The following CDK8 variants were observed in gnomAD, a reference collection of about 807,000 sequenced individuals.
The protein encoded by CDK8 is cyclin-dependent kinase 8.
Under a neutral mutation model 71.5 loss-of-function variants are expected in CDK8, and 29 were observed. The ratio of observed to expected loss-of-function variants is 0.41; its 90% CI spans 0.30 to 0.55. The LOEUF (loss-of-function observed/expected upper bound fraction) is 0.55, where lower values mean the gene tolerates loss of function less well. Among genes scored for constraint, CDK8 ranks in the 20% least tolerant of loss-of-function variants. The pLI, the probability that CDK8 is intolerant of heterozygous loss-of-function variation, is 0.37. For missense variants in CDK8, 288 were observed against 572.6 expected (o/e 0.50, Z 5.07); for synonymous variants, 161 against 192.1 (o/e 0.84, Z 1.34).
chr13:26,279,453 G>T (rs993670849), intron 1 of CDK8, among the ~76,000 whole-genome samples: 1 of 151,620 alleles, frequency 6.6e-6, no homozygotes, highest in East Asian at 1.9e-4. Flanking sequence ...CTTTCATGGG[G>T]TGCAGTAAGA....
At chr13:26,263,196 C>T (rs1005735699) in intron 1 of CDK8, among the ~76,000 whole-genome samples, 7 of 151,876 alleles carry the variant, frequency 4.6e-5, no homozygotes, top group African/African-American at 7.3e-5. Flanking sequence ...AGTGCAATGG[C>T]GCGATCTCCG....
chr13:26,260,131 TTTGTGGGTTTTAATTTTTCC>T (rs753705652), intron 1 of CDK8, among the ~76,000 whole-genome samples: 1 of 151,978 alleles, frequency 6.6e-6, no homozygotes, highest in Non-Finnish European at 1.5e-5. Flanking sequence ...CCCAGCAAAT[TTTGTGGGTTTTAATTTTTCC>T]TTGCCATGCC....
At chr13:26,269,466 A>G (rs1459385090) in intron 1 of CDK8, among the ~76,000 whole-genome samples, 2 of 152,176 alleles carry the variant, frequency 1.3e-5, no homozygotes, top group Non-Finnish European at 2.9e-5. Context: ...GCATAAGCTA[A>G]ATTCGGAAGT....
At chr13:26,265,297 G>A (rs1485439507) in intron 1 of CDK8, among the ~76,000 whole-genome samples, 1 of 152,134 alleles carries the variant, frequency 6.6e-6, no homozygotes, top group Non-Finnish European at 1.5e-5. Flanking sequence ...GAGGGGCATA[G>A]GCAGGTAAAC....
rs186075862 is a variant in CDK8 at position 26,376,935 on chromosome 13, G to A, written c.457-5879G>A. Among the ~76,000 whole-genome samples, 68 of 152,292 alleles carry A rather than the reference G, an allele frequency of 4.5e-4. No individual in the cohort carries two copies. In the East Asian group the frequency reaches 9.3e-3, roughly 21 times the overall value. ...TAACTTGGTATTAATAGAAATAGAC[G>A]AAAGCAAAAGGTAGGGTTAGTAGAA... On this transcript the variant is annotated intron_variant, in intron 4 of 12. Coordinates refer to ENST00000381527, the MANE Select transcript of CDK8 (RefSeq NM_001260.3).
intron 4 of CDK8, among the ~76,000 whole-genome samples, chr13:26,379,636 G>A (rs144663161): frequency 1.6e-4 from 24 of 152,328 alleles, no homozygotes; most frequent in Non-Finnish European, 3.4e-4. Flanking sequence ...GTGTGAGAGT[G>A]AGATCTTTTC....
At chr13:26,345,084 G>A (rs973586987) in intron 2 of CDK8, among the ~76,000 whole-genome samples, 1 of 152,146 alleles carries the variant, frequency 6.6e-6, no homozygotes, top group Non-Finnish European at 1.5e-5. Flanking sequence ...ATATTATGAA[G>A]GTTGTGTGTC....
intron 6 of CDK8, among the ~76,000 whole-genome samples, chr13:26,393,072 G>T (rs565036848): frequency 7.2e-5 from 11 of 152,234 alleles, no homozygotes; most frequent in African/African-American, 2.6e-4. Flanking sequence ...CCAAAATCCA[G>T]CCAGTACATT....
intron 6 of CDK8, among the ~76,000 whole-genome samples, chr13:26,387,075 T>G (rs1875513142): frequency 6.6e-6 from 1 of 152,212 alleles, no homozygotes; most frequent in African/African-American, 2.4e-5. Flanking sequence ...TACTACTTTT[T>G]TCTCATGTTT....
chr13:26,348,119 G>A (rs1016295073), intron 2 of CDK8, among the ~76,000 whole-genome samples: 1 of 151,854 alleles, frequency 6.6e-6, no homozygotes, highest in African/African-American at 2.4e-5. Context: ...TGCATAGAGT[G>A]GAGTATATTT....
At chr13:26,279,290 A>C (rs1872659598) in intron 1 of CDK8, among the ~76,000 whole-genome samples, 1 of 152,224 alleles carries the variant, frequency 6.6e-6, no homozygotes, top group Non-Finnish European at 1.5e-5. Context: ...TTGGGAAATT[A>C]AATATTCATT....
intron 1 of CDK8, among the ~76,000 whole-genome samples, chr13:26,331,237 A>AT (rs1219849164): frequency 6.6e-6 from 1 of 152,014 alleles, no homozygotes; most frequent in Non-Finnish European, 1.5e-5. Flanking sequence ...GGATCTTTGT[A>AT]TGTCTTCTTT....
At chr13:26,299,538 A>G (rs1444563570) in intron 1 of CDK8, among the ~76,000 whole-genome samples, 1 of 152,250 alleles carries the variant, frequency 6.6e-6, no homozygotes, top group Non-Finnish European at 1.5e-5. Flanking sequence ...AATATGCAGT[A>G]TGTGACTGTA....
intron 6 of CDK8, among the ~76,000 whole-genome samples, chr13:26,389,575 T>TG (rs771034409): frequency 1.3e-5 from 2 of 152,188 alleles, no homozygotes; most frequent in African/African-American, 2.4e-5. Flanking sequence ...TTCTCAGCAG[T>TG]GGTGATTCCA....
intron 1 of CDK8, among the ~76,000 whole-genome samples, chr13:26,329,485 T>TG (rs1271416979): frequency 4.7e-5 from 7 of 150,470 alleles, no homozygotes; most frequent in Non-Finnish European, 1.0e-4. Context: ...TTTTTTTTGT[T>TG]TTTTTTTTGT....
At chr13:26,316,052 T>C (rs1874497077) in intron 1 of CDK8, among the ~76,000 whole-genome samples, 1 of 152,184 alleles carries the variant, frequency 6.6e-6, no homozygotes. Flanking sequence ...CACTGATTGT[T>C]ACTTCTGATC....
chr13:26,304,348 C>G (rs1189700040), intron 1 of CDK8, among the ~76,000 whole-genome samples: 1 of 151,868 alleles, frequency 6.6e-6, no homozygotes, highest in African/African-American at 2.4e-5. Flanking sequence ...TCAAGCCTAA[C>G]AAACATTATA....
chr13:26,337,969 T>A (rs1043227324), intron 2 of CDK8, among the ~76,000 whole-genome samples: 1 of 152,242 alleles, frequency 6.6e-6, no homozygotes, highest in South Asian at 2.1e-4. Context: ...AATATTTTTA[T>A]TTTAATAGAA....
At chr13:26,280,527 A>G (rs1029895640) in intron 1 of CDK8, among the ~76,000 whole-genome samples, 5 of 152,226 alleles carry the variant, frequency 3.3e-5, no homozygotes, top group South Asian at 2.1e-4. Flanking sequence ...CCACAGTGAT[A>G]TAGTGGTACC....
Sources: gnomAD v4.1 joint callset for allele counts (sites outside exome capture counted in the v4.1 genomes callset) on GRCh38, gnomAD v4.1.1 for gene constraint, MANE v1.5 for transcripts, NCBI Gene and HGNC (gene_info 2026-07-23, HGNC 2026-07-21) for gene names.